RNLS: variants seen among roughly 807,000 people sequenced by gnomAD.
The protein encoded by RNLS is renalase, FAD dependent amine oxidase.
RNLS carries 39 observed loss-of-function variants against 39.8 expected under a neutral mutation model. The ratio of observed to expected loss-of-function variants is 0.98; its 90% CI spans 0.76 to 1.28. The LOEUF (loss-of-function observed/expected upper bound fraction) is 1.28. RNLS is among the 50% of genes most tolerant of loss of function. The pLI is 0.00. For missense variants in RNLS, 410 were observed against 413.3 expected (o/e 0.99, Z 0.07); for synonymous variants, 147 against 150.7 (o/e 0.98, Z 0.18).
the RNLS span, among the ~76,000 whole-genome samples, chr10:88,266,782 A>C: frequency 2.0e-5 from 3 of 151,682 alleles, no homozygotes; most frequent in Non-Finnish European, 4.4e-5. Context: ...TAAAAAAAAA[A>C]GTCATCATGC....
chr10:88,424,758 CGCGTGAAT>C (rs1854626727), intron 4 of RNLS, among the ~76,000 whole-genome samples: 1 of 151,974 alleles, frequency 6.6e-6, no homozygotes, highest in African/African-American at 2.4e-5. Context: ...AAATTTTTAA[CGCGTGAAT>C]GCAGAGTAAG....
At chr10:88,531,719 T>C (rs1200350176) in intron 4 of RNLS, among the ~76,000 whole-genome samples, 1 of 152,140 alleles carries the variant, frequency 6.6e-6, no homozygotes, top group East Asian at 1.9e-4. Context: ...CTCATTCCAC[T>C]ATCCCAGTGA....
chr10:88,366,123 G>C (rs1010740024), intron 4 of RNLS, among the ~76,000 whole-genome samples: 1 of 152,164 alleles, frequency 6.6e-6, no homozygotes, highest in Non-Finnish European at 1.5e-5. Context: ...TAAATGGTAT[G>C]TCAGTTGGTG....
intron 3 of RNLS, among the ~76,000 whole-genome samples, chr10:88,577,286 A>C (rs562664354): frequency 1.3e-5 from 2 of 152,304 alleles, no homozygotes; most frequent in South Asian, 4.1e-4. Flanking sequence ...ACTATAGGAA[A>C]ATAATCAATA....
the RNLS span, among the ~76,000 whole-genome samples, chr10:88,246,851 C>T: frequency 1.3e-5 from 2 of 152,176 alleles, no homozygotes; most frequent in Admixed American, 1.3e-4. Context: ...CATGTGTAAC[C>T]AGCCATGAAG....
At chr10:88,298,758 C>T (rs760954074) in intron 6 of RNLS, among the ~76,000 whole-genome samples, 6 of 152,172 alleles carry the variant, frequency 3.9e-5, no homozygotes, top group Admixed American at 1.3e-4. Context: ...GAAAAGAGAA[C>T]GTGTGAGTCC....
chr10:88,511,697 A>G (rs1846131026), intron 4 of RNLS, among the ~76,000 whole-genome samples: 1 of 152,136 alleles, frequency 6.6e-6, no homozygotes, highest in African/African-American at 2.4e-5. Context: ...CCCAGAAGCC[A>G]AGTGAAGACA....
At chr10:88,208,174 TG>T in the RNLS span, among the ~76,000 whole-genome samples, 1 of 152,160 alleles carries the variant, frequency 6.6e-6, no homozygotes, top group South Asian at 2.1e-4. Flanking sequence ...TAATTTCTGC[TG>T]GGTTTCTCCT....
intron 5 of RNLS, among the ~76,000 whole-genome samples, chr10:88,322,297 G>A (rs1051483886): frequency 6.6e-6 from 1 of 152,114 alleles, no homozygotes; most frequent in Non-Finnish European, 1.5e-5. Context: ...AATAATAAGA[G>A]CCATACATGG....
chr10:88,574,871 ACT>A (rs1397280776), intron 3 of RNLS, among the ~76,000 whole-genome samples: 1 of 151,420 alleles, frequency 6.6e-6, no homozygotes, highest in African/African-American at 2.4e-5. Flanking sequence ...GCTCTGCTTC[ACT>A]CTGTTTTTAT....
rs12569919 is a variant in RNLS at position 88,443,109 on chromosome 10, G to A, written c.527-80384C>T. Among the ~76,000 whole-genome samples, 782 of 152,052 alleles carry A rather than the reference G, an allele frequency of 5.1e-3. 21 individuals carry two copies. Among genetic ancestry groups the A allele is most frequent in the Admixed American group, 0.033 (502 of 15,274 alleles). On this transcript the variant is annotated intron_variant, in intron 4 of 6. Transcript: ENST00000331772. The stretch of plus-strand genomic sequence containing the variant: ...CATCTTCTATTTCTTCCCCTCCTTT[G>A]TATTCCACTGTCTTTATTTGGGTTT...
At position 88,372,508 on chromosome 10, in the gene RNLS, C is replaced by T. The variant is rs144906544; in HGVS notation, c.527-9783G>A. ...CAAACTACCCACTCTTCTCTTTATC[C>T]GGAGGTCCTGTGAAACCGAAATGAC... On this transcript the variant is annotated intron_variant, in intron 4 of 6. Transcript: ENST00000331772. 2.2e-4 allele frequency among the ~76,000 whole-genome samples: 33 copies of T among 152,154 alleles called. No individual in the cohort carries two copies. The East Asian group carries it at 3.9e-3, about 18-fold the overall frequency.
intron 4 of RNLS, among the ~76,000 whole-genome samples, chr10:88,565,646 C>A (rs913537894): frequency 5.3e-5 from 8 of 151,622 alleles, no homozygotes; most frequent in African/African-American, 1.7e-4. Flanking sequence ...TCATAAAGAG[C>A]CTACATATGG....
intron 6 of RNLS, among the ~76,000 whole-genome samples, chr10:88,293,753 G>A (rs974288268): frequency 6.6e-6 from 1 of 152,136 alleles, no homozygotes; most frequent in Non-Finnish European, 1.5e-5. Context: ...TCAAAGCAGA[G>A]TCTCTGTCAG....
intron 4 of RNLS, among the ~76,000 whole-genome samples, chr10:88,384,643 T>C (rs2133541583): frequency 6.6e-6 from 1 of 152,342 alleles, no homozygotes; most frequent in South Asian, 2.1e-4. Context: ...AGAACAACTA[T>C]AGCTCTAGTG....
chr10:88,381,545 C>A lies in RNLS; in HGVS notation c.527-18820G>T, dbSNP rs555468781. Among the ~76,000 whole-genome samples the A allele has an allele frequency of 2.6e-5, 4 of 151,442 alleles. No individual in the cohort carries two copies. The East Asian group carries it at 7.7e-4, about 29-fold the overall frequency. On this transcript the variant is annotated intron_variant, in intron 4 of 6. Transcript: ENST00000331772. ...TTTTATATTCAGCTTTTAAAAAATT[C>A]TTTTATTAGTGATAATAGGCTTTCA... is the stretch of plus-strand genomic sequence containing the variant.
intron 6 of RNLS, among the ~76,000 whole-genome samples, chr10:88,278,151 C>A (rs990124847): frequency 6.6e-6 from 1 of 152,066 alleles, no homozygotes; most frequent in Non-Finnish European, 1.5e-5. Context: ...TAATATAGAG[C>A]TAATTGGTTA....
intron 4 of RNLS, among the ~76,000 whole-genome samples, chr10:88,543,342 CTG>C (rs2134294581): frequency 6.6e-6 from 1 of 152,270 alleles, no homozygotes; most frequent in East Asian, 1.9e-4. Context: ...GCAGTGATAA[CTG>C]TCAGGAACAA....
At chr10:88,290,443 G>GT (rs1254176277) in intron 6 of RNLS, among the ~76,000 whole-genome samples, 2 of 152,168 alleles carry the variant, frequency 1.3e-5, no homozygotes, top group African/African-American at 4.8e-5. Flanking sequence ...GAATAATCAA[G>GT]TTTTTCCTGC....
Sources: allele counts gnomAD v4.1 joint callset (sites outside exome capture counted in the v4.1 genomes callset), GRCh38; gene constraint gnomAD v4.1.1; transcripts MANE v1.5; gene names NCBI Gene and HGNC (gene_info 2026-07-23, HGNC 2026-07-21).